Variants in TESK2 observed in about 807,000 individuals in gnomAD.
TESK2 encodes the protein dual specificity testis-specific protein kinase 2.
TESK2 carries 39 observed loss-of-function variants against 57.1 expected under a neutral mutation model. That is an observed-to-expected ratio of 0.68 (90% CI 0.53 to 0.89). The LOEUF is 0.89. TESK2 is among the 40% of genes least tolerant of loss of function. The pLI is 0.00. For synonymous variants in TESK2, 249 were observed against 267.9 expected, an observed-to-expected ratio of 0.93 and a Z score of 0.69; for missense variants, 646 against 732.1, an observed-to-expected ratio of 0.88 and a Z score of 1.36.
chr1:45,371,404 A>C (rs1648173324), intron 4 of TESK2, among the ~76,000 whole-genome samples: 1 of 152,246 alleles, frequency 6.6e-6, no homozygotes, highest in Non-Finnish European at 1.5e-5. Context: ...ATATACATAC[A>C]ATAAAATATT....
At chr1:45,394,877 G>A (rs556684783) in intron 3 of TESK2, among the ~76,000 whole-genome samples, 46 of 151,052 alleles carry the variant, frequency 3.0e-4, no homozygotes, top group Non-Finnish European at 5.3e-4. Context: ...TAGTAGAGAC[G>A]GGGTGTTTCA....
intron 4 of TESK2, among the ~76,000 whole-genome samples, chr1:45,369,100 TAC>T (rs754362424): frequency 6.6e-6 from 1 of 152,154 alleles, no homozygotes; most frequent in East Asian, 1.9e-4. Flanking sequence ...TAGTAAATAG[TAC>T]AGCTTGGATT....
chr1:45,424,004 A>G (rs754493178), intron 2 of TESK2, among the ~76,000 whole-genome samples: 35 of 152,218 alleles, frequency 2.3e-4, no homozygotes, highest in Non-Finnish European at 4.7e-4. Flanking sequence ...GAGGCAGTAG[A>G]AAAATCATGA....
chr1:45,424,436 C>T (rs1434379147), intron 2 of TESK2, among the ~76,000 whole-genome samples: 1 of 152,152 alleles, frequency 6.6e-6, no homozygotes, highest in Non-Finnish European at 1.5e-5. Flanking sequence ...GATTTGGAAC[C>T]CAGCTCTCTT....
intron 3 of TESK2, among the ~76,000 whole-genome samples, chr1:45,418,579 G>A (rs1250491528): frequency 6.6e-6 from 1 of 152,188 alleles, no homozygotes; most frequent in Non-Finnish European, 1.5e-5. Flanking sequence ...GGCCTTAGAG[G>A]AGACTTTGGC....
At chr1:45,359,674 G>C (rs1256673502) in intron 4 of TESK2, among the ~76,000 whole-genome samples, 1 of 152,002 alleles carries the variant, frequency 6.6e-6, no homozygotes, top group Non-Finnish European at 1.5e-5. Context: ...GACCAGTCTG[G>C]CCAACATGGT....
intron 4 of TESK2, among the ~76,000 whole-genome samples, chr1:45,357,184 TA>T (rs1359983039): frequency 6.7e-6 from 1 of 150,374 alleles, no homozygotes; most frequent in African/African-American, 2.5e-5. Context: ...CAACAAGAGC[TA>T]AACTCCATCT....
intron 4 of TESK2, among the ~76,000 whole-genome samples, chr1:45,383,426 A>C (rs1648739997): frequency 6.6e-6 from 1 of 152,154 alleles, no homozygotes; most frequent in South Asian, 2.1e-4. Context: ...ATCATAAGCT[A>C]TGTCAAAATC....
chr1:45,365,649 G>A (rs930452600), intron 4 of TESK2, among the ~76,000 whole-genome samples: 1 of 150,124 alleles, frequency 6.7e-6, no homozygotes, highest in Admixed American at 6.6e-5. Context: ...GAGTAGCTGG[G>A]ATTACAGGCG....
At chr1:45,346,841 T>G in intron 8 of TESK2, 62 bp from the exon 9 acceptor site, 1 of 1,559,302 alleles carries the variant, frequency 6.4e-7, no homozygotes. Context: ...CATCCTAGCC[T>G]GCTCAGTAGA....
intron 3 of TESK2, among the ~76,000 whole-genome samples, chr1:45,401,025 TAAAA>T (rs376070354): frequency 8.1e-6 from 1 of 124,202 alleles, no homozygotes. Flanking sequence ...GACTCTGTCT[TAAAA>T]AAAAAAAAAA....
intron 1 of TESK2, among the ~76,000 whole-genome samples, chr1:45,472,251 C>CA (rs10605872): frequency 4.7e-4 from 58 of 123,772 alleles, no homozygotes; most frequent in East Asian, 1.0e-3. Context: ...GACTCCATCT[C>CA]AAAAAAAAAA....
At chr1:45,452,032 C>CAAAAAAAAAAA (rs566363776) in intron 2 of TESK2, among the ~76,000 whole-genome samples, 8 of 103,840 alleles carry the variant, frequency 7.7e-5, no homozygotes, top group Non-Finnish European at 9.7e-5. Flanking sequence ...GACTCCGTCT[C>CAAAAAAAAAAA]AAAAAAAAAA....
intron 1 of TESK2, among the ~76,000 whole-genome samples, chr1:45,476,712 T>TG (rs1653007600): frequency 2.0e-5 from 3 of 151,676 alleles, no homozygotes; most frequent in Non-Finnish European, 1.5e-5. Flanking sequence ...ACAGGCCTGG[T>TG]GGCACACGCC....
intron 2 of TESK2, among the ~76,000 whole-genome samples, chr1:45,434,040 G>A (rs1651086972): frequency 6.6e-6 from 1 of 152,104 alleles, no homozygotes; most frequent in Non-Finnish European, 1.5e-5. Context: ...TGTCTCCCAG[G>A]CTGGAGTGCA....
chr1:45,407,236 C>T (rs941685702), intron 3 of TESK2, among the ~76,000 whole-genome samples: 4 of 97,868 alleles, frequency 4.1e-5, no homozygotes, highest in Admixed American at 1.3e-4. Flanking sequence ...CAGGTGGTGG[C>T]CCCACAATGG....
At chr1:45,407,611 G>T (rs375852436) in intron 3 of TESK2, among the ~76,000 whole-genome samples, 2 of 152,078 alleles carry the variant, frequency 1.3e-5, no homozygotes, top group Non-Finnish European at 2.9e-5. Context: ...TGCTGTTTTC[G>T]TGATAGTGAG....
At chr1:45,468,445 T>A (rs1053897047) in intron 1 of TESK2, among the ~76,000 whole-genome samples, 4 of 152,202 alleles carry the variant, frequency 2.6e-5, no homozygotes, top group Admixed American at 6.5e-5. Context: ...TGGCTGTCAA[T>A]TTATTCTGAC....
Position 45,456,222 on chromosome 1 carries a change from T to G in TESK2, c.222+1342A>C, listed in dbSNP as rs28504695. On this transcript the variant is annotated intron_variant, in intron 2 of 10. Coordinates refer to ENST00000372086, the MANE Select transcript of TESK2 (RefSeq NM_007170.3). The stretch of plus-strand genomic sequence containing the variant: ...AAAAATAAAATAAAATAAAATAAAA[T>G]AATAGAATAAAATAGGTTGGGCGCG... Among the ~76,000 whole-genome samples the G allele has an allele frequency of 6.8e-3, 1,011 of 149,748 alleles. 4 individuals carry two copies. The highest frequency in any genetic ancestry group is 7.9e-3 in the Non-Finnish European group (534 of 67,426).
Sources: gnomAD v4.1 joint callset for allele counts (sites outside exome capture counted in the v4.1 genomes callset) on GRCh38, gnomAD v4.1.1 for gene constraint, MANE v1.5 for transcripts, NCBI Gene and HGNC (gene_info 2026-07-23, HGNC 2026-07-21) for gene names.